LARGE1: variants seen among roughly 807,000 people sequenced by gnomAD.
The protein encoded by LARGE1 is LARGE xylosyl- and glucuronyltransferase 1.
LARGE1 carries 43 observed loss-of-function variants against 87.6 expected under a neutral mutation model. The observed-to-expected ratio is 0.49, with a 90% CI of 0.38 to 0.63. LARGE1 has a LOEUF of 0.63. LARGE1 is among the 30% of genes least tolerant of loss of function. LARGE1 has a pLI of 0.00. For synonymous variants in LARGE1, 434 were observed against 394.6 expected, an observed-to-expected ratio of 1.10 and a Z score of -1.18; for missense variants, 802 against 1,000.2, an observed-to-expected ratio of 0.80 and a Z score of 2.67.
At chr22:33,349,923 C>T (rs1296007163) in intron 9 of LARGE1, among the ~76,000 whole-genome samples, 1 of 152,188 alleles carries the variant, frequency 6.6e-6, no homozygotes, top group East Asian at 1.9e-4. Context: ...AGAGACCCAA[C>T]TCATTGATGA....
At chr22:33,206,493 T>C (rs1924693083) in intron 11 of LARGE1, among the ~76,000 whole-genome samples, 1 of 152,212 alleles carries the variant, frequency 6.6e-6, no homozygotes, top group African/African-American at 2.4e-5. Context: ...GTTTATGCTT[T>C]CTATGACTTT....
chr22:33,781,222 G>A (rs1267269006), intron 1 of LARGE1, among the ~76,000 whole-genome samples: 18 of 152,146 alleles, frequency 1.2e-4, no homozygotes, highest in Admixed American at 1.2e-3. Context: ...CTGACGGCCA[G>A]GTGCTGTGGC....
chr22:33,149,975 CT>C, the LARGE1 span, among the ~76,000 whole-genome samples: 4 of 152,224 alleles, frequency 2.6e-5, no homozygotes. Context: ...AAAAAGTTCT[CT>C]GCTTTAAGGT....
At chr22:33,570,408 T>TA (rs1452537072) in intron 5 of LARGE1, among the ~76,000 whole-genome samples, 1 of 151,936 alleles carries the variant, frequency 6.6e-6, no homozygotes, top group African/African-American at 2.4e-5. Context: ...TATGTTTCTG[T>TA]AAAAAATGAG....
At chr22:33,412,503 C>T (rs1046186027) in intron 7 of LARGE1, among the ~76,000 whole-genome samples, 34 of 152,102 alleles carry the variant, frequency 2.2e-4, no homozygotes, top group African/African-American at 4.8e-4. Flanking sequence ...ATGGCATTCC[C>T]GCCATACAGA....
chr22:33,330,880 T>C (rs1273457899), intron 10 of LARGE1, among the ~76,000 whole-genome samples: 1 of 152,188 alleles, frequency 6.6e-6, no homozygotes, highest in African/African-American at 2.4e-5. Flanking sequence ...GCAAACCAAA[T>C]AGCCTCTTCT....
rs34406131 is a variant in LARGE1, at chr22:33,766,913, C to CATATATATAT, written c.-82-5365_-82-5356dup. The stretch of plus-strand genomic sequence containing the variant: ...AGAATATGACTAATTTAAACATATA[C>CATATATATAT]ATATATATATATATATATATATATA... On this transcript the variant is annotated intron_variant, in intron 1 of 14. Transcript: ENST00000397394. Among the ~76,000 whole-genome samples the CATATATATAT allele has an allele frequency of 7.3e-4, 82 of 111,768 alleles. 1 individual carries two copies. Among genetic ancestry groups the CATATATATAT allele is most frequent in the Non-Finnish European group, 1.2e-3 (68 of 54,662 alleles). The allele number at this position is 111,768 out of a possible 152,430, so 73.3% of individuals were successfully genotyped here. A position where few individuals can be genotyped will look rare whatever the true frequency, so the allele number is the denominator to read the frequency against.
intron 2 of LARGE1, among the ~76,000 whole-genome samples, chr22:33,740,110 C>T (rs1487896664): frequency 6.6e-6 from 1 of 152,128 alleles, no homozygotes; most frequent in Non-Finnish European, 1.5e-5. Flanking sequence ...AGCACACAGA[C>T]CTTGACCATC....
chr22:33,467,234 C>G (rs566762003), intron 6 of LARGE1, among the ~76,000 whole-genome samples: 15 of 152,206 alleles, frequency 9.9e-5, no homozygotes, highest in Non-Finnish European at 1.8e-4. Flanking sequence ...CAAATTGTGA[C>G]CCTCAGCTCG....
chr22:33,355,877 C>T (rs2283895), intron 9 of LARGE1, among the ~76,000 whole-genome samples: 29,621 of 152,004 alleles, frequency 0.19, 3,210 homozygotes, highest in East Asian at 0.39. Flanking sequence ...CTTGTCCTAC[C>T]AGGCATTCTG....
chr22:33,223,471 T>G (rs544302924), intron 11 of LARGE1, among the ~76,000 whole-genome samples: 1 of 152,326 alleles, frequency 6.6e-6, no homozygotes, highest in Admixed American at 6.5e-5. Context: ...GAGTTTACTT[T>G]CATCTGCCTG....
chr22:33,085,393 T>A, the LARGE1 span, among the ~76,000 whole-genome samples: 1 of 152,328 alleles, frequency 6.6e-6, no homozygotes, highest in South Asian at 2.1e-4. Context: ...AATTTTTAAA[T>A]CTATATTGAC....
chr22:33,111,229 C>T, the LARGE1 span, among the ~76,000 whole-genome samples: 8 of 152,070 alleles, frequency 5.3e-5, no homozygotes, highest in Non-Finnish European at 1.0e-4. Context: ...TCCTCTGAAG[C>T]CCATTTCTGG....
intron 1 of LARGE1, among the ~76,000 whole-genome samples, chr22:33,781,729 G>A (rs879723820): frequency 5.3e-5 from 8 of 152,182 alleles, no homozygotes; most frequent in Non-Finnish European, 7.4e-5. Flanking sequence ...GCCAAACCCC[G>A]TGCTAAGTAA....
intron 2 of LARGE1, among the ~76,000 whole-genome samples, chr22:33,719,137 T>G (rs2083001318): frequency 6.6e-6 from 1 of 152,178 alleles, no homozygotes; most frequent in Admixed American, 6.5e-5. Flanking sequence ...ATTAAAAGAT[T>G]TAAAAACAGC....
At chr22:33,114,841 T>C in the LARGE1 span, among the ~76,000 whole-genome samples, 1 of 152,212 alleles carries the variant, frequency 6.6e-6, no homozygotes, top group Non-Finnish European at 1.5e-5. Context: ...CAGAATCTTG[T>C]CACATAGGCT....
intron 11 of LARGE1, among the ~76,000 whole-genome samples, chr22:33,217,666 A>G (rs117218058): frequency 0.019 from 2,925 of 152,342 alleles, 42 homozygotes; most frequent in Non-Finnish European, 0.03. Context: ...GGAAATGAAT[A>G]GGATATATAG....
chr22:33,134,078 G>A, the LARGE1 span, among the ~76,000 whole-genome samples: 131 of 152,294 alleles, frequency 8.6e-4, 1 homozygote, highest in African/African-American at 2.8e-3. Context: ...ACACTAGGAT[G>A]AGTGCTGTGA....
intron 1 of LARGE1, among the ~76,000 whole-genome samples, chr22:33,843,464 T>A (rs1472570949): frequency 6.6e-6 from 1 of 150,868 alleles, no homozygotes; most frequent in African/African-American, 2.4e-5. Flanking sequence ...AATAAATAAA[T>A]AAATAAAAAT....
Sources: gnomAD v4.1 joint callset for allele counts (sites outside exome capture counted in the v4.1 genomes callset) on GRCh38, gnomAD v4.1.1 for gene constraint, MANE v1.5 for transcripts, NCBI Gene and HGNC (gene_info 2026-07-23, HGNC 2026-07-21) for gene names.